Variants in SIGLEC5 observed in about 807,000 individuals in gnomAD.
SIGLEC5 encodes sialic acid binding Ig like lectin 5, also known as sialic acid-binding Ig-like lectin 5.
A neutral mutation model predicts 45.9 loss-of-function variants in SIGLEC5; 34 were observed. The observed-to-expected ratio is 0.74, with a 90% confidence interval of 0.56 to 0.99. The LOEUF is 0.99. Ranked by LOEUF, SIGLEC5 falls within the 50% of genes least tolerant of loss-of-function variation. The pLI, the probability that SIGLEC5 is intolerant of heterozygous loss-of-function variation, is 0.00. For synonymous variants in SIGLEC5, 203 were observed against 258.6 expected, an observed-to-expected ratio of 0.79 and a Z score of 2.06; for missense variants, 508 against 629.6, an observed-to-expected ratio of 0.81 and a Z score of 2.07.
intron 3 of SIGLEC5, 96 bp from the exon 4 acceptor site, chr19:51,629,172 A>C (rs79955662): frequency 0.15 from 231,702 of 1,527,734 alleles, 19,246 homozygotes; most frequent in Non-Finnish European, 0.17. Context: ...AAACCCACCA[A>C]GCGGGGAAGG....
At chr19:51,628,996 C>T (rs1983620238) in intron 4 of SIGLEC5, 42 bp downstream of exon 4, 3 of 1,590,292 alleles carry the variant, frequency 1.9e-6, no homozygotes, top group Admixed American at 1.7e-5. Context: ...CAGAGACAGA[C>T]CCAGAGGCAG....
At chr19:51,627,404 A>C in intron 6 of SIGLEC5, 58 bp downstream of exon 6, 1 of 1,562,300 alleles carries the variant, frequency 6.4e-7, no homozygotes. Flanking sequence ...ACCATCCATC[A>C]CTCTGGGATC....
chr19:51,627,818 C>A lies in SIGLEC5; in HGVS notation c.997+16G>T. 1 of 1,587,012 alleles carries A rather than the reference C, an allele frequency of 6.3e-7. No homozygotes were observed. The highest frequency in any genetic ancestry group is 1.2e-5 in the South Asian group (1 of 86,528). ...TAATACCATGCAGTTCCTGCTCCAG[C>A]TGCCCCCACACTCACAGTAAACTGA... On this transcript the variant is annotated intron_variant, in intron 5 of 8. Coordinates refer to ENST00000683636, the MANE Select transcript of SIGLEC5 (RefSeq NM_003830.4).
chr19:51,616,393 A>C (rs1239160521), intron 8 of SIGLEC5, among the ~76,000 whole-genome samples: 2 of 152,256 alleles, frequency 1.3e-5, no homozygotes, highest in Admixed American at 1.3e-4. Flanking sequence ...AATGTGAAAC[A>C]TAATAAGGAA....
intron 8 of SIGLEC5, among the ~76,000 whole-genome samples, chr19:51,618,043 C>T (rs1471579092): frequency 6.6e-6 from 1 of 150,456 alleles, no homozygotes; most frequent in Non-Finnish European, 1.5e-5. Flanking sequence ...AGCGATGCTC[C>T]TACCTCACCC....
chr19:51,613,351 C>T (rs981961581), intron 8 of SIGLEC5, among the ~76,000 whole-genome samples: 35 of 152,194 alleles, frequency 2.3e-4, no homozygotes, highest in African/African-American at 8.0e-4. Flanking sequence ...GAGACCTCAA[C>T]ACCAAATAAG....
chr19:51,627,434 C>T (rs1338178269), intron 6 of SIGLEC5, 28 bp downstream of exon 6: 3 of 1,595,524 alleles, frequency 1.9e-6, no homozygotes, highest in East Asian at 4.5e-5. Context: ...CCCCTCAGGC[C>T]CCTGCCCTCT....
At chr19:51,621,791 A>C (rs887916167) in intron 8 of SIGLEC5, 8 of 152,262 alleles carry the variant, frequency 5.3e-5, no homozygotes, top group African/African-American at 1.9e-4. Flanking sequence ...ACAAAAAAAA[A>C]CCCTCTTATA....
chr19:51,625,772 G>A (rs540759835), intron 8 of SIGLEC5, among the ~76,000 whole-genome samples: 1 of 152,320 alleles, frequency 6.6e-6, no homozygotes, highest in Admixed American at 6.5e-5. Context: ...GGAGTTTGCA[G>A]TGAGCCAAGA....
chr19:51,612,709 T>G (rs1982903439), intron 8 of SIGLEC5, among the ~76,000 whole-genome samples: 1 of 152,194 alleles, frequency 6.6e-6, no homozygotes, highest in South Asian at 2.1e-4. Flanking sequence ...TTGACTCCTG[T>G]GTCCCTCATA....
chr19:51,628,756 G>GCC (rs1983605300), intron 4 of SIGLEC5, among the ~76,000 whole-genome samples: 2 of 143,496 alleles, frequency 1.4e-5, no homozygotes, highest in South Asian at 4.3e-4. Context: ...GTGCATGTGT[G>GCC]TGTGTATGTG....
chr19:51,623,364 A>C (rs1389614038), intron 8 of SIGLEC5, among the ~76,000 whole-genome samples: 3 of 152,222 alleles, frequency 2.0e-5, no homozygotes, highest in Non-Finnish European at 4.4e-5. Flanking sequence ...TAAGAAGTGA[A>C]GACAAGCTAC....
At chr19:51,625,658 C>A (rs543726844) in intron 8 of SIGLEC5, among the ~76,000 whole-genome samples, 2 of 152,058 alleles carry the variant, frequency 1.3e-5, no homozygotes, top group Non-Finnish European at 2.9e-5. Flanking sequence ...GGCAAAATCC[C>A]GTCTCTACTA....
At chr19:51,624,652 C>T (rs1983411038) in intron 8 of SIGLEC5, among the ~76,000 whole-genome samples, 1 of 151,900 alleles carries the variant, frequency 6.6e-6, no homozygotes, top group Admixed American at 6.6e-5. Context: ...CTAAAGAAGC[C>T]CCAGCCCCTG....
intron 8 of SIGLEC5, among the ~76,000 whole-genome samples, chr19:51,617,292 A>C (rs1376766227): frequency 6.6e-6 from 1 of 152,038 alleles, no homozygotes; most frequent in Non-Finnish European, 1.5e-5. Flanking sequence ...AAATATTTGA[A>C]AAAAATAGTG....
intron 6 of SIGLEC5, 54 bp downstream of exon 6, chr19:51,627,408 T>TGGGATCCATGCCCCTCCCCTC (rs1983527014): frequency 6.4e-7 from 1 of 1,571,154 alleles, no homozygotes; most frequent in Admixed American, 1.8e-5. Context: ...TCCATCACTC[T>TGGGATCCATGCCCCTCCCCTC]GGGATCCATG....
intron 8 of SIGLEC5, among the ~76,000 whole-genome samples, chr19:51,618,149 G>A (rs1983135489): frequency 6.6e-6 from 1 of 151,710 alleles, no homozygotes; most frequent in Non-Finnish European, 1.5e-5. Context: ...TTGAAAAAGT[G>A]GGACTAAGTG....
chr19:51,626,575 C>T (rs542838248), intron 7 of SIGLEC5, among the ~76,000 whole-genome samples: 3 of 152,208 alleles, frequency 2.0e-5, no homozygotes, highest in African/African-American at 2.4e-5. Context: ...CCACATATCG[C>T]GTGATTCCAT....
At chr19:51,612,487 C>A (rs1483672969) in intron 8 of SIGLEC5, 65 bp from the exon 9 acceptor site, 6 of 1,156,240 alleles carry the variant, frequency 5.2e-6, no homozygotes, top group African/African-American at 1.6e-5. Flanking sequence ...ATAATGAGTT[C>A]TTATATTTAT....
Sources: allele counts gnomAD v4.1 joint callset (sites outside exome capture counted in the v4.1 genomes callset), GRCh38; gene constraint gnomAD v4.1.1; transcripts MANE v1.5; gene names NCBI Gene and HGNC (gene_info 2026-07-23, HGNC 2026-07-21).